The following FRMD6 variants were observed in gnomAD, a reference collection of about 807,000 sequenced individuals.
The protein encoded by FRMD6 is FERM domain-containing protein 6.
A neutral mutation model predicts 73.2 loss-of-function variants in FRMD6; 37 were observed. The observed-to-expected ratio is 0.51, with a 90% CI of 0.39 to 0.66. FRMD6 has a LOEUF of 0.66. Ranked by LOEUF, FRMD6 falls within the 30% of genes least tolerant of loss-of-function variation. The pLI is 0.00. For missense variants in FRMD6, 714 were observed against 780.5 expected (o/e 0.91, Z 1.02); for synonymous variants, 273 against 282.2 (o/e 0.97, Z 0.33).
intron 1 of FRMD6, among the ~76,000 whole-genome samples, chr14:51,513,299 C>T (rs1262722715): frequency 6.6e-6 from 1 of 152,220 alleles, no homozygotes; most frequent in Non-Finnish European, 1.5e-5. Flanking sequence ...ATTTCCTGAT[C>T]TCTCAAGAAG....
At chr14:51,433,252 A>G in the FRMD6 span, among the ~76,000 whole-genome samples, 3 of 152,208 alleles carry the variant, frequency 2.0e-5, no homozygotes, top group Admixed American at 1.3e-4. Context: ...TGTTCATTGA[A>G]GCATGATTTG....
intron 1 of FRMD6, among the ~76,000 whole-genome samples, chr14:51,688,074 C>T (rs1370332551): frequency 6.6e-6 from 1 of 151,778 alleles, no homozygotes; most frequent in East Asian, 1.9e-4. Flanking sequence ...AACCCTGGTC[C>T]TCCAACTGAT....
chr14:51,567,096 G>C (rs1887816036), intron 1 of FRMD6, among the ~76,000 whole-genome samples: 1 of 152,204 alleles, frequency 6.6e-6, no homozygotes, highest in Non-Finnish European at 1.5e-5. Context: ...CTGAAGGGAT[G>C]GGTGCTACTC....
At chr14:51,421,573 C>G in the FRMD6 span, among the ~76,000 whole-genome samples, 3 of 152,200 alleles carry the variant, frequency 2.0e-5, no homozygotes. Flanking sequence ...CAATTAGAAG[C>G]TATTAAGAAT....
chr14:51,478,224 G>A, the FRMD6 span, among the ~76,000 whole-genome samples: 1 of 152,186 alleles, frequency 6.6e-6, no homozygotes, highest in African/African-American at 2.4e-5. Flanking sequence ...TTGTGTATCT[G>A]GCTTCAACTG....
the FRMD6 span, among the ~76,000 whole-genome samples, chr14:51,396,730 T>A: frequency 6.6e-6 from 1 of 152,186 alleles, no homozygotes; most frequent in Non-Finnish European, 1.5e-5. Context: ...GGTGAGTCAT[T>A]AGAATCTCAT....
the FRMD6 span, among the ~76,000 whole-genome samples, chr14:51,451,735 C>T: frequency 6.6e-6 from 1 of 152,178 alleles, no homozygotes; most frequent in African/African-American, 2.4e-5. Flanking sequence ...CTTGGCACCT[C>T]CCCCACTTCC....
chr14:51,416,104 C>T, the FRMD6 span, among the ~76,000 whole-genome samples: 1 of 152,138 alleles, frequency 6.6e-6, no homozygotes, highest in East Asian at 1.9e-4. Context: ...AAAAAACCAG[C>T]TCCTGGATTC....
intron 10 of FRMD6, among the ~76,000 whole-genome samples, chr14:51,719,036 C>T (rs935022600): frequency 1.3e-5 from 2 of 152,182 alleles, no homozygotes; most frequent in East Asian, 3.8e-4. Context: ...ACTTCACATT[C>T]CCCAAATGCA....
At chr14:51,415,670 A>T in the FRMD6 span, among the ~76,000 whole-genome samples, 4 of 152,166 alleles carry the variant, frequency 2.6e-5, no homozygotes, top group Non-Finnish European at 5.9e-5. Flanking sequence ...GGCCTCATAA[A>T]ATGAGTTAGG....
intron 1 of FRMD6, among the ~76,000 whole-genome samples, chr14:51,491,185 T>C (rs973884801): frequency 6.6e-6 from 1 of 152,216 alleles, no homozygotes; most frequent in African/African-American, 2.4e-5. Flanking sequence ...TTCTTGAACT[T>C]CCTTGCATGT....
the FRMD6 span, among the ~76,000 whole-genome samples, chr14:51,413,714 G>A: frequency 1.3e-5 from 2 of 152,184 alleles, no homozygotes; most frequent in Non-Finnish European, 2.9e-5. Context: ...TCTAGTTCTA[G>A]ATCCTTGAGG....
intron 2 of FRMD6, 70 bp downstream of exon 2, chr14:51,690,005 T>G: frequency 1.0e-6 from 1 of 992,918 alleles, no homozygotes; most frequent in Non-Finnish European, 1.6e-6. Context: ...AACTTATGAC[T>G]TGATTAAGGG....
chr14:51,415,127 C>A, the FRMD6 span, among the ~76,000 whole-genome samples: 2 of 152,050 alleles, frequency 1.3e-5, no homozygotes, highest in Non-Finnish European at 2.9e-5. Context: ...TCTTTTCCTA[C>A]TTGAATACCC....
chr14:51,687,894 C>A (rs1895279006), intron 1 of FRMD6, among the ~76,000 whole-genome samples: 1 of 152,112 alleles, frequency 6.6e-6, no homozygotes, highest in Non-Finnish European at 1.5e-5. Flanking sequence ...TTATATTCAA[C>A]CCTCTGCTCA....
chr14:51,659,807 T>C (rs1893085910), intron 1 of FRMD6, among the ~76,000 whole-genome samples: 1 of 152,206 alleles, frequency 6.6e-6, no homozygotes, highest in South Asian at 2.1e-4. Flanking sequence ...TATAAAGCAG[T>C]TCTTTATTCC....
chr14:51,720,759 C>T (rs984878572), intron 11 of FRMD6, among the ~76,000 whole-genome samples: 5 of 152,216 alleles, frequency 3.3e-5, no homozygotes, highest in African/African-American at 1.2e-4. Flanking sequence ...ACATCTTGAA[C>T]TTCTGGACCC....
intron 2 of FRMD6, among the ~76,000 whole-genome samples, chr14:51,614,746 G>GA (rs1202226596): frequency 6.6e-6 from 1 of 152,164 alleles, no homozygotes; most frequent in Non-Finnish European, 1.5e-5. Flanking sequence ...ATAGTTGAAA[G>GA]AATGACCCTT....
chr14:51,593,342 C>G (rs997716326), intron 2 of FRMD6, among the ~76,000 whole-genome samples: 6 of 152,184 alleles, frequency 3.9e-5, no homozygotes, highest in African/African-American at 1.4e-4. Flanking sequence ...TTACATTCAC[C>G]CTTTCCTGAA....
Sources: allele counts gnomAD v4.1 joint callset (sites outside exome capture counted in the v4.1 genomes callset), GRCh38; gene constraint gnomAD v4.1.1; transcripts MANE v1.5; gene names NCBI Gene and HGNC (gene_info 2026-07-23, HGNC 2026-07-21).